STS: variants seen among roughly 807,000 people sequenced by gnomAD.
STS encodes steryl-sulfatase.
A neutral mutation model predicts 26.8 loss-of-function variants in STS; 7 were observed. That is an observed-to-expected ratio of 0.26 (90% CI 0.15 to 0.49). The LOEUF is 0.49. Among genes scored for constraint, STS ranks in the 20% least tolerant of loss-of-function variants. The pLI is 0.98. For missense variants in STS, 434 were observed against 465.6 expected (o/e 0.93, Z 0.63); for synonymous variants, 199 against 189.4 (o/e 1.05, Z -0.42).
intron 2 of STS, among the ~76,000 whole-genome samples, chrX:7,219,198 G>T (rs938373182): frequency 1.8e-5 from 2 of 112,114 alleles, no homozygotes; most frequent in Middle Eastern, 4.6e-3. Flanking sequence ...TTAAACTCCC[G>T]TTCAGTCTCT....
rs564509568 is a variant in STS at position 7,293,580 on chromosome X, G to A, written c.944-11466G>A. On this transcript the variant is annotated intron_variant, in intron 7 of 10. Transcript: ENST00000674429. ...AGGTGAATCCACATCTTCGAAAATG[G>A]CATTTTTTTTTCTTCCATCATCCTA... Among the ~76,000 whole-genome samples, 5 of 111,437 alleles carry A rather than the reference G, an allele frequency of 4.5e-5. No individual in the cohort carries two copies. The South Asian group carries it at 1.5e-3, about 34-fold the overall frequency.
chrX:7,158,425 C>A (rs938086850), intron 1 of STS, among the ~76,000 whole-genome samples: 11 of 112,211 alleles, frequency 9.8e-5, no homozygotes, highest in Middle Eastern at 4.2e-3. Flanking sequence ...GACAACATCG[C>A]CCGCATCTCA....
At chrX:7,307,174 T>C (rs1480981947) in intron 8 of STS, among the ~76,000 whole-genome samples, 4 of 111,408 alleles carry the variant, frequency 3.6e-5, no homozygotes, top group African/African-American at 1.3e-4. Flanking sequence ...CCTTGCTCAA[T>C]GCAGGACACA....
intron 10 of STS, among the ~76,000 whole-genome samples, chrX:7,348,601 A>G (rs1928628515): frequency 8.9e-6 from 1 of 112,099 alleles, no homozygotes; most frequent in African/African-American, 3.2e-5. Context: ...AAATGATAAC[A>G]TTGTCCGATA....
chrX:7,299,076 T>TAAA (rs1925820980), intron 7 of STS, among the ~76,000 whole-genome samples: 1 of 94,050 alleles, frequency 1.1e-5, no homozygotes, highest in Non-Finnish European at 2.0e-5. Flanking sequence ...TATATATAAA[T>TAAA]TATTTTATAA....
intron 6 of STS, among the ~76,000 whole-genome samples, chrX:7,263,829 ATG>A (rs202189417): frequency 0.35 from 38,312 of 109,709 alleles, 5,100 homozygotes; most frequent in East Asian, 0.39. Flanking sequence ...GTGTATATAT[ATG>A]TGTGTGTGTG....
intron 2 of STS, among the ~76,000 whole-genome samples, chrX:7,236,424 G>A (rs1195583682): frequency 8.9e-6 from 1 of 112,314 alleles, no homozygotes; most frequent in African/African-American, 3.2e-5. Context: ...AATTAAAGAT[G>A]TAGCTATTTT....
intron 8 of STS, among the ~76,000 whole-genome samples, chrX:7,312,831 C>G (rs1232153103): frequency 1.8e-5 from 2 of 112,166 alleles, no homozygotes; most frequent in African/African-American, 6.5e-5. Context: ...TGAAAATGGA[C>G]TAATACAAAT....
intron 2 of STS, among the ~76,000 whole-genome samples, chrX:7,239,952 T>G (rs1277265082): frequency 9.6e-6 from 1 of 104,645 alleles, no homozygotes. Flanking sequence ...TGTCTCGATC[T>G]CGGCTCACTG....
At chrX:7,334,233 C>T in intron 10 of STS, 126 bp downstream of exon 10, 1 of 979,520 alleles carries the variant, frequency 1.0e-6, no homozygotes, top group Non-Finnish European at 1.4e-6. Flanking sequence ...AATGTGCGCC[C>T]ATGCTTTGCT....
At chrX:7,341,996 G>A (rs1286327773) in intron 10 of STS, among the ~76,000 whole-genome samples, 1 of 110,243 alleles carries the variant, frequency 9.1e-6, no homozygotes, top group African/African-American at 3.3e-5. Flanking sequence ...ATTTTTAGTA[G>A]AGACGGGGTT....
intron 7 of STS, among the ~76,000 whole-genome samples, chrX:7,280,028 C>T (rs4132409): frequency 0.36 from 39,875 of 110,821 alleles, 5,283 homozygotes; most frequent in East Asian, 0.4. Context: ...ATGAAATCTA[C>T]ACCACTTTGT....
chrX:7,299,245 A>T (rs1478720869), intron 7 of STS, among the ~76,000 whole-genome samples: 6 of 96,763 alleles, frequency 6.2e-5, no homozygotes, highest in African/African-American at 2.3e-4. Context: ...TATAATTATA[A>T]AATTTATAAT....
At chrX:7,271,301 C>T (rs1161050155) in intron 6 of STS, among the ~76,000 whole-genome samples, 3 of 111,441 alleles carry the variant, frequency 2.7e-5, no homozygotes, top group Non-Finnish European at 5.6e-5. Context: ...AACACAAAGA[C>T]TGTAATTTCA....
At chrX:7,155,462 A>C (rs1252843549) in intron 1 of STS, among the ~76,000 whole-genome samples, 1 of 112,057 alleles carries the variant, frequency 8.9e-6, no homozygotes, top group African/African-American at 3.2e-5. Flanking sequence ...CAAATAGTTA[A>C]GATTTTAAGA....
intron 6 of STS, among the ~76,000 whole-genome samples, chrX:7,267,556 C>T (rs1217938635): frequency 2.7e-5 from 3 of 112,037 alleles, no homozygotes; most frequent in Non-Finnish European, 5.6e-5. Context: ...ATATGTTGGC[C>T]TCTTCTCTGA....
At chrX:7,158,949 T>C (rs1192320537) in intron 1 of STS, among the ~76,000 whole-genome samples, 1 of 111,565 alleles carries the variant, frequency 9.0e-6, no homozygotes, top group East Asian at 2.8e-4. Flanking sequence ...GTTAAAATAC[T>C]TTTCAGGTTT....
intron 7 of STS, among the ~76,000 whole-genome samples, chrX:7,288,946 C>T (rs1206430164): frequency 9.0e-6 from 1 of 111,593 alleles, no homozygotes; most frequent in African/African-American, 3.3e-5. Flanking sequence ...TTGGCTGATT[C>T]ATCTAGCTAG....
At chrX:7,182,345 A>G (rs1476873455) in intron 1 of STS, among the ~76,000 whole-genome samples, 1 of 109,033 alleles carries the variant, frequency 9.2e-6, no homozygotes, top group African/African-American at 3.3e-5. Context: ...TCTTGAGCGA[A>G]TTCTGTTCCC....
Sources: gnomAD v4.1 joint callset for allele counts (sites outside exome capture counted in the v4.1 genomes callset) on GRCh38, gnomAD v4.1.1 for gene constraint, MANE v1.5 for transcripts, NCBI Gene and HGNC (gene_info 2026-07-23, HGNC 2026-07-21) for gene names.